The following CNTNAP5 variants were observed in gnomAD, a reference collection of about 807,000 sequenced individuals.
CNTNAP5 encodes the protein contactin-associated protein-like 5.
In CNTNAP5, 72 loss-of-function variants were observed where a neutral mutation model predicts 150.2. That is an observed-to-expected ratio of 0.48 (90% CI 0.40 to 0.58). CNTNAP5 has a LOEUF of 0.58. Among genes scored for constraint, CNTNAP5 ranks in the 20% least tolerant of loss-of-function variants. The pLI is 0.00. For missense variants in CNTNAP5, 1,636 were observed against 1,626.2 expected, an observed-to-expected ratio of 1.01 and a Z score of -0.10; for synonymous variants, 672 against 619.8, an observed-to-expected ratio of 1.08 and a Z score of -1.25.
chr2:124,034,302 C>T (rs1172026192), intron 1 of CNTNAP5, among the ~76,000 whole-genome samples: 1 of 152,200 alleles, frequency 6.6e-6, no homozygotes, highest in Non-Finnish European at 1.5e-5. Flanking sequence ...TGAAACTCAG[C>T]ATGGATTTTC....
chr2:124,344,789 C>T (rs766607316), intron 3 of CNTNAP5, among the ~76,000 whole-genome samples: 2 of 152,064 alleles, frequency 1.3e-5, no homozygotes, highest in Non-Finnish European at 2.9e-5. Context: ...GTCTAAAATC[C>T]AGCAGAGCAG....
chr2:124,293,884 A>C (rs934129744), intron 3 of CNTNAP5, among the ~76,000 whole-genome samples: 1 of 135,654 alleles, frequency 7.4e-6, no homozygotes, highest in African/African-American at 2.5e-5. Flanking sequence ...GGAAGCAGTG[A>C]GAGTGGAGCT....
At chr2:124,435,205 G>A (rs958371286) in intron 5 of CNTNAP5, among the ~76,000 whole-genome samples, 2 of 152,138 alleles carry the variant, frequency 1.3e-5, no homozygotes, top group Non-Finnish European at 2.9e-5. Flanking sequence ...CTGTTCCAGA[G>A]TAAGCCCCAG....
At chr2:124,249,389 A>C (rs962966430) in intron 3 of CNTNAP5, among the ~76,000 whole-genome samples, 27 of 152,274 alleles carry the variant, frequency 1.8e-4, no homozygotes, top group African/African-American at 6.5e-4. Flanking sequence ...TTTAAGTCTG[A>C]TAAGAAACAT....
chr2:124,436,317 A>G (rs982035421), intron 5 of CNTNAP5, among the ~76,000 whole-genome samples: 5 of 152,222 alleles, frequency 3.3e-5, no homozygotes, highest in East Asian at 3.8e-4. Flanking sequence ...AGATACATTC[A>G]TGGTGTGAAT....
At chr2:124,847,536 A>G (rs1394556825) in intron 19 of CNTNAP5, among the ~76,000 whole-genome samples, 1 of 152,116 alleles carries the variant, frequency 6.6e-6, no homozygotes, top group Non-Finnish European at 1.5e-5. Context: ...GCCCCAAACT[A>G]TGAGTTTCCT....
intron 3 of CNTNAP5, among the ~76,000 whole-genome samples, chr2:124,271,712 C>G (rs1255108650): frequency 6.7e-6 from 1 of 149,304 alleles, no homozygotes; most frequent in Non-Finnish European, 1.5e-5. Context: ...ATCTATCTAT[C>G]TATCTATCTA....
At chr2:124,695,802 G>A (rs2105084233) in intron 13 of CNTNAP5, among the ~76,000 whole-genome samples, 1 of 152,272 alleles carries the variant, frequency 6.6e-6, no homozygotes, top group Middle Eastern at 3.4e-3. Flanking sequence ...GTGGAGAGAA[G>A]CATCACTCTG....
intron 3 of CNTNAP5, among the ~76,000 whole-genome samples, chr2:124,297,353 A>T (rs907740791): frequency 6.6e-6 from 1 of 152,056 alleles, no homozygotes. Flanking sequence ...TCTCAATTTG[A>T]TTTCAAATAA....
At chr2:124,862,050 G>T (rs921457483) in intron 19 of CNTNAP5, among the ~76,000 whole-genome samples, 2 of 152,186 alleles carry the variant, frequency 1.3e-5, no homozygotes, top group East Asian at 3.9e-4. Context: ...CTGACCTCAG[G>T]TGATCTGCCT....
At position 124,914,437 on chromosome 2, in the gene CNTNAP5, T is replaced by G. The variant is rs912861620; in HGVS notation, c.*149T>G. On this transcript the variant is annotated 3_prime_UTR_variant, in exon 24 of 24. Coordinates refer to ENST00000682447, the MANE Select transcript of CNTNAP5 (RefSeq NM_001367498.1). ...TACTTGCATCCACCACAGCATCAAT[T>G]CCCTTGATCCAGCCCAAGAGACCAG... 1 of 642,588 alleles carries G rather than the reference T, an allele frequency of 1.6e-6. No individual in the cohort carries two copies. Among genetic ancestry groups the G allele is most frequent in the African/African-American group, 1.8e-5 (1 of 54,082 alleles). 39.8% of individuals were successfully genotyped at this position (642,588 alleles called of 1,614,324 possible).
intron 9 of CNTNAP5, among the ~76,000 whole-genome samples, chr2:124,526,537 G>A (rs1263350803): frequency 6.6e-6 from 1 of 152,162 alleles, no homozygotes; most frequent in African/African-American, 2.4e-5. Flanking sequence ...TGGAGCACAA[G>A]CACTCATATA....
At chr2:124,581,218 T>C (rs1461185639) in intron 11 of CNTNAP5, among the ~76,000 whole-genome samples, 2 of 152,228 alleles carry the variant, frequency 1.3e-5, no homozygotes, top group Non-Finnish European at 2.9e-5. Flanking sequence ...TCAAAATTCT[T>C]CTCCGAACAT....
At chr2:124,807,336 G>A (rs1269375557) in intron 19 of CNTNAP5, among the ~76,000 whole-genome samples, 1 of 152,160 alleles carries the variant, frequency 6.6e-6, no homozygotes, top group East Asian at 1.9e-4. Context: ...AGATGGGTCG[G>A]GGGATAGTTT....
chr2:124,346,128 G>A (rs1689731859), intron 3 of CNTNAP5, among the ~76,000 whole-genome samples: 1 of 152,198 alleles, frequency 6.6e-6, no homozygotes, highest in African/African-American at 2.4e-5. Context: ...GATCCCAGTG[G>A]TATTCCTAAA....
chr2:124,615,768 T>G (rs749297285), intron 12 of CNTNAP5, among the ~76,000 whole-genome samples: 5 of 152,190 alleles, frequency 3.3e-5, no homozygotes, highest in Non-Finnish European at 5.9e-5. Flanking sequence ...TTTGTAGACT[T>G]ATAAACTGTA....
chr2:124,583,030 T>C (rs1696450082), intron 11 of CNTNAP5, among the ~76,000 whole-genome samples: 1 of 152,298 alleles, frequency 6.6e-6, no homozygotes, highest in Non-Finnish European at 1.5e-5. Flanking sequence ...TTATTGGTGA[T>C]GCCACATAAA....
chr2:124,145,558 A>G (rs1347205098), intron 1 of CNTNAP5, among the ~76,000 whole-genome samples: 8 of 47,680 alleles, frequency 1.7e-4, no homozygotes, highest in Non-Finnish European at 3.1e-4. Flanking sequence ...AAAACCAAAC[A>G]CCGCATATTC....
At chr2:124,201,072 A>G (rs1685716302) in intron 1 of CNTNAP5, among the ~76,000 whole-genome samples, 1 of 152,196 alleles carries the variant, frequency 6.6e-6, no homozygotes, top group Non-Finnish European at 1.5e-5. Flanking sequence ...CACAAGTGCT[A>G]AGAGTTGAAG....
Sources: gnomAD v4.1 joint callset for allele counts (sites outside exome capture counted in the v4.1 genomes callset) on GRCh38, gnomAD v4.1.1 for gene constraint, MANE v1.5 for transcripts, NCBI Gene and HGNC (gene_info 2026-07-23, HGNC 2026-07-21) for gene names.